The following TUFM variants were observed in gnomAD, a reference collection of about 807,000 sequenced individuals.
TUFM encodes the protein Tu translation elongation factor, mitochondrial, also known as elongation factor Tu, mitochondrial.
TUFM carries 23 observed loss-of-function variants against 45.0 expected under a neutral mutation model. That is an observed-to-expected ratio of 0.51 (90% CI 0.37 to 0.72). The LOEUF is 0.72. TUFM is among the 30% of genes least tolerant of loss of function. The pLI, the probability that TUFM is intolerant of heterozygous loss-of-function variation, is 0.00. For synonymous variants in TUFM, 243 were observed against 252.9 expected, an observed-to-expected ratio of 0.96 and a Z score of 0.37; for missense variants, 490 against 610.7, an observed-to-expected ratio of 0.80 and a Z score of 2.08.
At chr16:28,845,814 C>T (rs984751322) in intron 2 of TUFM, 98 bp downstream of exon 2, 8 of 1,495,800 alleles carry the variant, frequency 5.3e-6, no homozygotes, top group Non-Finnish European at 6.4e-6. Flanking sequence ...CTTGGGGCCA[C>T]AGTAAACTCC....
In TUFM at chr16:28,846,319, G is replaced by C. The variant is rs1891439367; in HGVS notation, c.-50C>G. Reference sequence around the variant, plus strand: ...CCGGGACCAGGAGCCCGAGCGCACAGAAGAAGAAGGGCGCCTGCGGCTGGA... The same window carrying C: ...CCGGGACCAGGAGCCCGAGCGCACACAAGAAGAAGGGCGCCTGCGGCTGGA... On this transcript the variant is annotated 5_prime_UTR_variant, in exon 1 of 10. Transcript: ENST00000313511. The C allele has an allele frequency of 6.5e-7, 1 of 1,535,348 alleles. No individual in the cohort carries two copies. The highest frequency in any genetic ancestry group is 8.8e-7 in the Non-Finnish European group (1 of 1,137,236).
chr16:28,843,454 C>A (rs999936094), intron 9 of TUFM, among the ~76,000 whole-genome samples: 1 of 152,096 alleles, frequency 6.6e-6, no homozygotes, highest in African/African-American at 2.4e-5. Context: ...TATAATGAAA[C>A]GCTCAAAAAG....
intron 1 of TUFM, 45 bp from the exon 2 acceptor site, chr16:28,846,151 C>G (rs368005154): frequency 1.0e-4 from 164 of 1,607,260 alleles, no homozygotes; most frequent in Non-Finnish European, 1.3e-4. Flanking sequence ...GGGGTCAGAC[C>G]GAACCCAGCC....
In TUFM at chr16:28,846,084, G is replaced by A; in HGVS notation, c.75C>T (p.Phe25=). The change falls in exon 2 of 10, where the codon TTC becomes TTT. Residue 25 remains phenylalanine (F), a synonymous_variant. Coordinates refer to ENST00000313511, the MANE Select transcript of TUFM (RefSeq NM_003321.5). ...HFSGLAAGRT[F]LLQGLLRLLK... ...GCAGCCGCAACAGACCCTGCAGCAG[G>A]AAGGTCCGGCCGGCGGCGAGACCTG... 6.2e-7 allele frequency: 1 copy of A among 1,613,768 alleles called. No individual in the cohort carries two copies. The highest frequency in any genetic ancestry group is 8.5e-7 in the Non-Finnish European group (1 of 1,179,936).
rs1961830682 is a variant in TUFM at position 28,842,604 on chromosome 16, T to A, written c.*371A>T. 3.1e-6 allele frequency: 1 copy of A among 325,592 alleles called. No homozygotes were observed. The highest frequency in any genetic ancestry group is 6.0e-6 in the Non-Finnish European group (1 of 167,728). The allele number at this position is 325,592 out of a possible 1,614,324, so 20.2% of individuals were successfully genotyped here. A position where few individuals can be genotyped will look rare whatever the true frequency, so the allele number is the denominator to read the frequency against. ...AGAGCGATAGAACATTCTTTCCCACTATCTCCCAGGAGGCTGAATAACGGC... is the reference window on the plus strand; with the variant it reads ...AGAGCGATAGAACATTCTTTCCCACAATCTCCCAGGAGGCTGAATAACGGC... On this transcript the variant is annotated 3_prime_UTR_variant, in exon 10 of 10. Transcript: ENST00000313511.
Position 28,843,989 on chromosome 16 carries a change from C to T in TUFM, c.1035G>A (p.Lys345=). The T allele has an allele frequency of 6.2e-7, 1 of 1,614,182 alleles. No individual in the cohort carries two copies. Among genetic ancestry groups the T allele is most frequent in the Non-Finnish European group, 8.5e-7 (1 of 1,180,026 alleles). The change falls in exon 8 of 10, where the codon AAG becomes AAA. Residue 345 remains lysine (K), a synonymous_variant. Coordinates refer to ENST00000313511, the MANE Select transcript of TUFM (RefSeq NM_003321.5). Reference sequence around the variant, plus strand: ...TCTGGTGGGGCTTGATGGAACCTGGCTTGACCATGACCAGGCCCCGCCGCA... The same window carrying T: ...TCTGGTGGGGCTTGATGGAACCTGGTTTGACCATGACCAGGCCCCGCCGCA... ...EDLRRGLVMV[K]PGSIKPHQKV...
intron 9 of TUFM, 39 bp from the exon 10 acceptor site, chr16:28,843,187 G>A: frequency 6.2e-7 from 1 of 1,612,204 alleles, no homozygotes; most frequent in Non-Finnish European, 8.5e-7. Context: ...GGCCTCCAGG[G>A]TGCCTTCATT....
chr16:28,845,852 TCCCTGGCTC>T, intron 2 of TUFM, 51 bp downstream of exon 2: 2 of 1,601,172 alleles, frequency 1.2e-6, no homozygotes, highest in Non-Finnish European at 1.7e-6. Flanking sequence ...TGGCCTTGCC[TCCCTGGCTC>T]CAGGTCCCAT....
Position 28,845,427 on chromosome 16 carries a change from C to T in TUFM, c.301G>A (p.Ala101Thr). ...ATACCCCGAGCTCGCTCCTCCGGGG[C>T]ATTGTCAATCTCCTCGTACTTCTTG... is the stretch of plus-strand genomic sequence containing the variant. ...KFKKYEEIDN[A>T]PEERARGITI... The change falls in exon 3 of 10, where the codon GCC becomes ACC. Residue 101 changes from alanine to threonine, a missense_variant. Physicochemically the swap from Ala to Thr is moderately conservative, Grantham distance 58. Transcript: ENST00000313511. 6.2e-7 allele frequency: 1 copy of T among 1,614,148 alleles called. No individual in the cohort carries two copies.
In TUFM at chr16:28,843,116, G is replaced by A; in HGVS notation, c.1227C>T (p.Phe409=). ...ELAMPGEDLK[F]NLILRQPMIL... ...TCATTGGCTGCCGCAAGATTAGGTT[G>A]AACTTCAGGTCCTCCCCGGGCATGG... is the stretch of plus-strand genomic sequence containing the variant. Residue 409 remains phenylalanine, a synonymous_variant, in exon 10 of 10, where the codon TTC becomes TTT. Transcript: ENST00000313511. 6.2e-7 allele frequency: 1 copy of A among 1,614,208 alleles called. No individual in the cohort carries two copies. The highest frequency in any genetic ancestry group is 8.5e-7 in the Non-Finnish European group (1 of 1,180,044).
chr16:28,844,727 T>C lies in TUFM; in HGVS notation c.655A>G (p.Ile219Val), dbSNP rs1961888156. 6.8e-6 allele frequency: 11 copies of C among 1,614,036 alleles called. No homozygotes were observed. Among genetic ancestry groups the C allele is most frequent in the Admixed American group, 3.3e-5 (2 of 59,992 alleles). The change falls in exon 5 of 10, where the codon ATC becomes GTC. Residue 219 changes from isoleucine (I) to valine (V), a missense_variant. Physicochemically the swap from Ile to Val is conservative, Grantham distance 29 (BLOSUM62 3). Transcript: ENST00000313511. The surrounding 1 kb of genome is among the most constrained non-coding windows in gnomAD (Gnocchi z 5.8). ...AGGGCACAGAGAGCAGAGCCTACGA[T>C]GACTGGGGTCTCCTCCCCTTTATAG... The part of the protein sequence containing the change: ...FGYKGEETPV[I>V]VGSALCALEG...
chr16:28,843,930 C>T lies in TUFM; in HGVS notation c.1074+20G>A. 1 of 1,614,084 alleles carries T rather than the reference C, an allele frequency of 6.2e-7. No individual in the cohort carries two copies. The highest frequency in any genetic ancestry group is 8.5e-7 in the Non-Finnish European group (1 of 1,179,976). On this transcript the variant is annotated intron_variant, in intron 8 of 9. Transcript: ENST00000313511. ...GGAGAGCTTGGCTCAACCCTGCCCA[C>T]CGTCACCTGGAGCCCTCACCTGGGC...
At chr16:28,845,790 C>T in intron 2 of TUFM, 122 bp downstream of exon 2, 1 of 1,262,644 alleles carries the variant, frequency 7.9e-7, no homozygotes, top group Non-Finnish European at 1.1e-6. Flanking sequence ...CCACCTGTCG[C>T]ACAAATTCGG....
intron 2 of TUFM, 36 bp downstream of exon 2, chr16:28,845,876 A>G (rs754684002): frequency 5.6e-6 from 9 of 1,609,670 alleles, no homozygotes; most frequent in Admixed American, 1.7e-5. Context: ...TCCCATCAGT[A>G]GATAGGGCGC....
Position 28,843,846 on chromosome 16 carries a change from G to C in TUFM, c.1084C>G (p.Leu362Val). The C allele has an allele frequency of 6.2e-7, 1 of 1,614,196 alleles. No individual in the cohort carries two copies. Among genetic ancestry groups the C allele is most frequent in the Non-Finnish European group, 8.5e-7 (1 of 1,180,050 alleles). Residue 362 changes from leucine to valine, a missense_variant, in exon 9 of 10, where the codon CTC (leucine) becomes GTC (valine). By Grantham distance (32) the Leu-to-Val change is conservative. Coordinates refer to ENST00000313511, the MANE Select transcript of TUFM (RefSeq NM_003321.5). ...TGGCGGCCACCTTCCTCCTTGCTGAGGATGTAAACCTGGAGGAGAGCAAGC... is the reference window on the plus strand; with the variant it reads ...TGGCGGCCACCTTCCTCCTTGCTGACGATGTAAACCTGGAGGAGAGCAAGC... Reference protein sequence around the residue: ...HQKVEAQVYILSKEEGGRHKP... With the variant: ...HQKVEAQVYIVSKEEGGRHKP...
Position 28,846,346 on chromosome 16 carries a change from G to T in TUFM, c.-77C>A. 6.7e-7 allele frequency: 1 copy of T among 1,498,736 alleles called. No individual in the cohort carries two copies. The highest frequency in any genetic ancestry group is 9.0e-7 in the Non-Finnish European group (1 of 1,108,282). 92.8% of individuals were successfully genotyped at this position (1,498,736 alleles called of 1,614,324 possible). A position where few individuals can be genotyped will look rare whatever the true frequency, so the allele number is the denominator to read the frequency against. Reference sequence around the variant, plus strand: ...AGAAGAAGGGCGCCTGCGGCTGGAAGGCACTTCCGGCGGAAGTTAGAGCTG... The same window carrying T: ...AGAAGAAGGGCGCCTGCGGCTGGAATGCACTTCCGGCGGAAGTTAGAGCTG... On this transcript the variant is annotated 5_prime_UTR_variant, in exon 1 of 10. Transcript: ENST00000313511.
chr16:28,845,761 G>A (rs1961933371), intron 2 of TUFM, 151 bp downstream of exon 2: 1 of 1,004,308 alleles, frequency 1.0e-6, no homozygotes, highest in Non-Finnish European at 1.5e-6. Flanking sequence ...GGAGAAATTT[G>A]TCTCTTGCAT....
chr16:28,845,843 G>A, intron 2 of TUFM, 69 bp downstream of exon 2: 2 of 1,587,142 alleles, frequency 1.3e-6, no homozygotes, highest in Non-Finnish European at 1.7e-6. Flanking sequence ...ACACTCTGCT[G>A]GCCTTGCCTC....
chr16:28,843,012 G>A lies in TUFM; in HGVS notation c.1331C>T (p.Ala444Val). 1 of 1,614,212 alleles carries A rather than the reference G, an allele frequency of 6.2e-7. No homozygotes were observed. ...GATATTCTTCTCCTCCTCAGTCATG[G>A]CCAGCGTGTTGGTGACTAGACCGGT... Reference protein sequence around the residue: ...IGTGLVTNTLAMTEEEKNIKW... With the variant: ...IGTGLVTNTLVMTEEEKNIKW... Residue 444 changes from alanine (A) to valine (V), a missense_variant, in exon 10 of 10, where the codon GCC (alanine) becomes GTC (valine). Ala to Val is a moderately conservative substitution (Grantham distance 64). Transcript: ENST00000313511.
Sources: allele counts gnomAD v4.1 joint callset (sites outside exome capture counted in the v4.1 genomes callset), GRCh38; gene constraint gnomAD v4.1.1; non-coding constraint Gnocchi (gnomAD v3.1); transcripts MANE v1.5; gene names NCBI Gene and HGNC (gene_info 2026-07-23, HGNC 2026-07-21).